The following RDX variants were observed in gnomAD, a reference collection of about 807,000 sequenced individuals.
RDX encodes the protein radixin, also known as deafness, autosomal recessive 24.
In RDX, 32 loss-of-function variants were observed where a neutral mutation model predicts 83.7. That is an observed-to-expected ratio of 0.38 (90% confidence interval 0.29 to 0.51). RDX has a LOEUF of 0.51. Ranked by LOEUF, RDX falls within the 20% of genes least tolerant of loss-of-function variation. The pLI is 0.87. For missense variants in RDX, 600 were observed against 689.9 expected, an observed-to-expected ratio of 0.87 and a Z score of 1.46; for synonymous variants, 229 against 222.7, an observed-to-expected ratio of 1.03 and a Z score of -0.25.
chr11:110,190,009 G>C (rs1299933266), intron 15 of RDX, among the ~76,000 whole-genome samples: 1 of 152,100 alleles, frequency 6.6e-6, no homozygotes, highest in African/African-American at 2.4e-5. Flanking sequence ...CTTGAACCCA[G>C]GAGGCAGAGG....
At chr11:110,253,749 A>ATC (rs1382380107) in intron 9 of RDX, 197 bp downstream of exon 9, 2 of 574,790 alleles carry the variant, frequency 3.5e-6, no homozygotes, top group African/African-American at 3.7e-5. Flanking sequence ...TTTCTTCGAG[A>ATC]TATGTGTCAA....
At chr11:110,211,294 T>C (rs997572628) in intron 14 of RDX, among the ~76,000 whole-genome samples, 7 of 152,146 alleles carry the variant, frequency 4.6e-5, no homozygotes, top group Non-Finnish European at 7.3e-5. Flanking sequence ...CTATCCTAAA[T>C]ATATATGCAC....
At chr11:110,291,488 G>A (rs1322006913) in intron 1 of RDX, among the ~76,000 whole-genome samples, 2 of 152,210 alleles carry the variant, frequency 1.3e-5, no homozygotes, top group Non-Finnish European at 2.9e-5. Context: ...CCTGGCCAAT[G>A]AGGCTCGAAA....
At chr11:110,268,997 T>A (rs1476225) in intron 3 of RDX, among the ~76,000 whole-genome samples, 56,115 of 149,770 alleles carry the variant, frequency 0.37, 10,675 homozygotes, top group East Asian at 0.51. Flanking sequence ...TTAATTAATT[T>A]ATTTATTTTT....
intron 15 of RDX, among the ~76,000 whole-genome samples, chr11:110,189,242 G>GAAAAAAAAAAAAA (rs1565282257): frequency 2.6e-5 from 1 of 38,000 alleles, no homozygotes; most frequent in African/African-American, 1.2e-4. Context: ...TGAACAACAG[G>GAAAAAAAAAAAAA]TAAAAAAAAA....
chr11:110,228,062 C>A (rs1443757838), downstream of RDX, among the ~76,000 whole-genome samples: 2 of 151,886 alleles, frequency 1.3e-5, no homozygotes, highest in African/African-American at 4.8e-5. Flanking sequence ...ATGATCTTTC[C>A]ACAGAGAAAA....
downstream of RDX, among the ~76,000 whole-genome samples, chr11:110,225,883 C>T (rs1203647718): frequency 6.7e-6 from 1 of 148,752 alleles, no homozygotes; most frequent in Non-Finnish European, 1.5e-5. Flanking sequence ...CCTGTCTCTA[C>T]TAAAAAAAAA....
intron 9 of RDX, 68 bp downstream of exon 9, chr11:110,253,878 C>G (rs1199714004): frequency 1.5e-6 from 2 of 1,359,550 alleles, no homozygotes; most frequent in South Asian, 2.4e-5. Flanking sequence ...ATTTAAAAAA[C>G]TGAGCAGTCT....
intron 1 of RDX, among the ~76,000 whole-genome samples, chr11:110,292,519 C>A (rs975061106): frequency 1.3e-5 from 2 of 151,982 alleles, no homozygotes; most frequent in Non-Finnish European, 2.9e-5. Context: ...ATTGTTTAAA[C>A]CAGTTGGAGA....
chr11:110,239,572 G>GA (rs1397722584), intron 10 of RDX, among the ~76,000 whole-genome samples: 3 of 151,996 alleles, frequency 2.0e-5, no homozygotes, highest in Non-Finnish European at 2.9e-5. Flanking sequence ...AAAGCTATAT[G>GA]AAAAAAATGT....
chr11:110,277,884 CA>C (rs749782236), intron 2 of RDX, among the ~76,000 whole-genome samples: 2 of 152,126 alleles, frequency 1.3e-5, no homozygotes, highest in African/African-American at 2.4e-5. Flanking sequence ...TCTAAGATCA[CA>C]AAAATTTTTT....
At chr11:110,216,091 G>A (rs1864041206) in intron 14 of RDX, among the ~76,000 whole-genome samples, 2 of 152,166 alleles carry the variant, frequency 1.3e-5, no homozygotes. Flanking sequence ...CTGCTCAGTG[G>A]ACATTGGCCT....
intron 8 of RDX, among the ~76,000 whole-genome samples, chr11:110,254,445 G>C (rs1423198197): frequency 6.6e-6 from 1 of 150,566 alleles, no homozygotes; most frequent in Non-Finnish European, 1.5e-5. Context: ...TTGGTTCTTC[G>C]TTCATGGCTG....
chr11:110,279,778 AATCT>A (rs1860678693), intron 1 of RDX, 22 bp from the exon 2 acceptor site: 3 of 815,948 alleles, frequency 3.7e-6, no homozygotes, highest in Middle Eastern at 2.6e-4. Context: ...AAAAAAGCAT[AATCT>A]ATTATCTTTT....
intron 14 of RDX, among the ~76,000 whole-genome samples, chr11:110,201,582 G>A (rs1430281815): frequency 6.6e-6 from 1 of 152,120 alleles, no homozygotes; most frequent in African/African-American, 2.4e-5. Flanking sequence ...GGGTAGTGAG[G>A]GTGAGATACA....
At chr11:110,292,922 T>G (rs1861302927) in intron 1 of RDX, among the ~76,000 whole-genome samples, 1 of 152,212 alleles carries the variant, frequency 6.6e-6, no homozygotes, top group African/African-American at 2.4e-5. Context: ...AAGACACCAT[T>G]TCTCATTGTC....
At chr11:110,275,943 CCTGA>C (rs769924362) in intron 2 of RDX, among the ~76,000 whole-genome samples, 7 of 151,884 alleles carry the variant, frequency 4.6e-5, no homozygotes, top group South Asian at 2.1e-4. Flanking sequence ...CACCACCATG[CCTGA>C]CTATTTTTTG....
At chr11:110,222,456 T>C (rs540634230) in intron 14 of RDX, among the ~76,000 whole-genome samples, 1 of 152,162 alleles carries the variant, frequency 6.6e-6, no homozygotes, top group South Asian at 2.1e-4. Context: ...GTACGAACAT[T>C]TTACAAAATG....
At chr11:110,201,647 C>T (rs1863409698) in intron 14 of RDX, among the ~76,000 whole-genome samples, 2 of 152,066 alleles carry the variant, frequency 1.3e-5, no homozygotes, top group South Asian at 2.1e-4. Context: ...ATTTGTGAAG[C>T]GGTAAGCCAT....
Sources: allele counts gnomAD v4.1 joint callset (sites outside exome capture counted in the v4.1 genomes callset), GRCh38; gene constraint gnomAD v4.1.1; transcripts MANE v1.5; gene names NCBI Gene and HGNC (gene_info 2026-07-23, HGNC 2026-07-21).